Variants in TSHZ2 observed in about 807,000 individuals in gnomAD.
TSHZ2 encodes teashirt zinc finger homeobox 2, also known as teashirt homolog 2.
In TSHZ2, 21 loss-of-function variants were observed where a neutral mutation model predicts 74.4. The ratio of observed to expected loss-of-function variants is 0.28; its 90% CI spans 0.20 to 0.41. The LOEUF is 0.41. Among genes scored for constraint, TSHZ2 ranks in the 10% least tolerant of loss-of-function variants. The pLI is 1.00. For synonymous variants in TSHZ2, 540 were observed against 515.3 expected, an observed-to-expected ratio of 1.05 and a Z score of -0.65; for missense variants, 1,244 against 1,293.5, an observed-to-expected ratio of 0.96 and a Z score of 0.59.
intron 2 of TSHZ2, among the ~76,000 whole-genome samples, chr20:53,338,599 G>A (rs1281302112): frequency 1.5e-4 from 23 of 152,182 alleles, no homozygotes; most frequent in Non-Finnish European, 5.9e-5. Flanking sequence ...GGCTGGGGTG[G>A]TACTGGCATC....
chr20:53,082,481 G>A (rs1401075562), intron 1 of TSHZ2, among the ~76,000 whole-genome samples: 2 of 152,178 alleles, frequency 1.3e-5, no homozygotes, highest in Admixed American at 6.5e-5. Context: ...CCTACTACAC[G>A]CTACTAAGAT....
In TSHZ2 at chr20:53,384,119, G is replaced by C. The variant is rs6022436; in HGVS notation, c.*9-103025G>C. On this transcript the variant is annotated intron_variant, in intron 2 of 2. Transcript: ENST00000371497. ...GACAAAAATGCAAGACCGGGGCCAA[G>C]GGGAGGTGTGAGAGCCGACCAGATT... Among the ~76,000 whole-genome samples, 16 of 152,316 alleles carry C rather than the reference G, an allele frequency of 1.1e-4. 1 individual carries two copies. The South Asian group carries it at 3.3e-3, about 32-fold the overall frequency.
At chr20:52,982,024 G>GA (rs1981586582) in intron 1 of TSHZ2, among the ~76,000 whole-genome samples, 6 of 152,082 alleles carry the variant, frequency 3.9e-5, no homozygotes, top group Admixed American at 3.9e-4. Flanking sequence ...TTTCAGTATA[G>GA]AAAAAAAGCT....
intron 1 of TSHZ2, among the ~76,000 whole-genome samples, chr20:53,167,343 C>G (rs1988086725): frequency 6.6e-6 from 1 of 152,208 alleles, no homozygotes; most frequent in Non-Finnish European, 1.5e-5. Context: ...TTCACACCAA[C>G]CATATAAGGT....
intron 1 of TSHZ2, among the ~76,000 whole-genome samples, chr20:53,136,783 C>G (rs1303502729): frequency 1.3e-5 from 2 of 151,420 alleles, no homozygotes; most frequent in Non-Finnish European, 2.9e-5. Context: ...CATCACATTA[C>G]ACCATTACAG....
chr20:53,187,749 A>C (rs190790507), intron 1 of TSHZ2, among the ~76,000 whole-genome samples: 3 of 151,292 alleles, frequency 2.0e-5, no homozygotes, highest in Admixed American at 2.0e-4. Context: ...AAAAAAAAAA[A>C]TATGTGCTTG....
intron 1 of TSHZ2, among the ~76,000 whole-genome samples, chr20:53,099,094 C>G (rs1339469389): frequency 6.6e-6 from 1 of 152,130 alleles, no homozygotes; most frequent in African/African-American, 2.4e-5. Context: ...TGACCTCCCC[C>G]ACCACCTCCC....
At position 53,151,102 on chromosome 20, in the gene TSHZ2, C is replaced by T. The variant is rs1000133584; in HGVS notation, c.41-102397C>T. Among the ~76,000 whole-genome samples the T allele has an allele frequency of 3.7e-4, 56 of 152,318 alleles. 1 individual carries two copies. The highest frequency in any genetic ancestry group is 1.2e-3 in the African/African-American group (49 of 41,566). ...TTATCATATCACGCTCTCTTGACAGCACATTCCTGTTAAAACAGAAGGTGC... is the reference window on the plus strand; with the variant it reads ...TTATCATATCACGCTCTCTTGACAGTACATTCCTGTTAAAACAGAAGGTGC... On this transcript the variant is annotated intron_variant, in intron 1 of 2. Transcript: ENST00000371497.
At chr20:53,436,446 G>A (rs2145744252) in intron 2 of TSHZ2, among the ~76,000 whole-genome samples, 1 of 151,886 alleles carries the variant, frequency 6.6e-6, no homozygotes, top group South Asian at 2.1e-4. Flanking sequence ...GTGTGTCTGT[G>A]TTTCTACATC....
intron 1 of TSHZ2, among the ~76,000 whole-genome samples, chr20:53,145,056 T>C (rs6097258): frequency 0.097 from 14,774 of 152,206 alleles, 1,942 homozygotes; most frequent in African/African-American, 0.3. Context: ...CAAGAATGTA[T>C]TCAACTAAAA....
intron 2 of TSHZ2, among the ~76,000 whole-genome samples, chr20:53,369,580 G>A (rs1423019634): frequency 1.3e-5 from 2 of 151,912 alleles, no homozygotes; most frequent in Non-Finnish European, 2.9e-5. Flanking sequence ...GCATGGTGGT[G>A]CATGCCTGTA....
intron 2 of TSHZ2, among the ~76,000 whole-genome samples, chr20:53,323,883 G>A (rs935280242): frequency 8.6e-5 from 13 of 152,018 alleles, no homozygotes; most frequent in Admixed American, 6.6e-5. Context: ...CGGGCTCCTC[G>A]GAGGGCTTTA....
intron 1 of TSHZ2, among the ~76,000 whole-genome samples, chr20:53,176,738 G>A (rs2123499261): frequency 6.7e-6 from 1 of 149,390 alleles, no homozygotes; most frequent in African/African-American, 2.5e-5. Context: ...CCAGGCTGGA[G>A]TGCAGTGGTG....
chr20:53,276,440 T>G (rs1990948040), intron 2 of TSHZ2, among the ~76,000 whole-genome samples: 1 of 152,160 alleles, frequency 6.6e-6, no homozygotes, highest in South Asian at 2.1e-4. Flanking sequence ...TATCCACTTT[T>G]GCTGGGGATC....
chr20:53,113,460 A>G (rs1986587850), intron 1 of TSHZ2, among the ~76,000 whole-genome samples: 1 of 152,170 alleles, frequency 6.6e-6, no homozygotes. Context: ...TAAAATGTTT[A>G]TTTATCAACC....
rs542135622 is a variant in TSHZ2, at chr20:53,489,793, G to A, written c.*2658G>A. On this transcript the variant is annotated 3_prime_UTR_variant, in exon 3 of 3. Coordinates refer to ENST00000371497, the MANE Select transcript of TSHZ2 (RefSeq NM_173485.6). ...GGTTCACCTTAGAAAACAAGATCTG[G>A]GCTGGCACTGGGGCATACATCACCA... 13 of 153,434 alleles carry A rather than the reference G, an allele frequency of 8.5e-5. No individual in the cohort carries two copies. The highest frequency in any genetic ancestry group is 2.6e-4 in the African/African-American group (11 of 41,530). 9.5% of individuals were successfully genotyped at this position (153,434 alleles called of 1,614,324 possible). A position where few individuals can be genotyped will look rare whatever the true frequency, so the allele number is the denominator to read the frequency against.
intron 1 of TSHZ2, chr20:53,198,411 A>G (rs922157669): frequency 2.0e-5 from 3 of 152,152 alleles, no homozygotes; most frequent in African/African-American, 7.2e-5. Flanking sequence ...GATCCTCAAA[A>G]CACCCTAGGA....
chr20:52,984,581 C>T (rs1486837364), intron 1 of TSHZ2, among the ~76,000 whole-genome samples: 1 of 152,004 alleles, frequency 6.6e-6, no homozygotes, highest in Non-Finnish European at 1.5e-5. Context: ...GGAGGGTGAG[C>T]AGGGAGGGTA....
chr20:53,018,424 G>A lies in TSHZ2; in HGVS notation c.40+45091G>A, dbSNP rs1983118566. On this transcript the variant is annotated intron_variant, in intron 1 of 2. Transcript: ENST00000371497. ...CCTGCTCCACTGCTAGTCCTGGAAA[G>A]GGGGTCTGGGTTTCCAGAATTCTGC... 3.9e-5 allele frequency among the ~76,000 whole-genome samples: 6 copies of A among 152,194 alleles called. No homozygotes were observed. In the South Asian group the frequency reaches 1.2e-3, roughly 32 times the overall value.
Sources: gnomAD v4.1 joint callset for allele counts (sites outside exome capture counted in the v4.1 genomes callset) on GRCh38, gnomAD v4.1.1 for gene constraint, MANE v1.5 for transcripts, NCBI Gene and HGNC (gene_info 2026-07-23, HGNC 2026-07-21) for gene names.